The following TENM2 variants were observed in gnomAD, a reference collection of about 807,000 sequenced individuals.
TENM2 encodes teneurin-2.
TENM2 carries 52 observed loss-of-function variants against 245.2 expected under a neutral mutation model. That is an observed-to-expected ratio of 0.21 (90% CI 0.17 to 0.27). The LOEUF (loss-of-function observed/expected upper bound fraction) is 0.27, where lower values mean the gene tolerates loss of function less well. TENM2 is among the 10% of genes least tolerant of loss of function. TENM2 has a pLI of 1.00. For missense variants in TENM2, 3,046 were observed against 3,666.8 expected, an observed-to-expected ratio of 0.83 and a Z score of 4.37; for synonymous variants, 1,363 against 1,438.9, an observed-to-expected ratio of 0.95 and a Z score of 1.19.
chr5:168,116,754 A>G (rs976586301), intron 9 of TENM2, among the ~76,000 whole-genome samples: 4 of 152,302 alleles, frequency 2.6e-5, no homozygotes, highest in African/African-American at 9.6e-5. Context: ...AAACATGACA[A>G]CAAAAGGGGA....
intron 2 of TENM2, among the ~76,000 whole-genome samples, chr5:167,826,865 A>G (rs914571849): frequency 2.6e-5 from 4 of 152,240 alleles, no homozygotes; most frequent in Admixed American, 1.3e-4. Context: ...TGGCACGTGC[A>G]ATGGTTATTT....
chr5:167,618,320 T>C (rs1180719674), intron 2 of TENM2, among the ~76,000 whole-genome samples: 1 of 152,056 alleles, frequency 6.6e-6, no homozygotes, highest in Non-Finnish European at 1.5e-5. Flanking sequence ...CTCCAGAGGA[T>C]ATGCTCTTAC....
intron 5 of TENM2, among the ~76,000 whole-genome samples, chr5:168,037,459 G>A (rs1162175226): frequency 1.3e-5 from 2 of 149,780 alleles, no homozygotes; most frequent in African/African-American, 4.9e-5. Context: ...TTCTAGCTGT[G>A]AATAAACTTC....
At chr5:168,033,608 A>G (rs1315773522) in intron 5 of TENM2, among the ~76,000 whole-genome samples, 1 of 152,202 alleles carries the variant, frequency 6.6e-6, no homozygotes, top group Non-Finnish European at 1.5e-5. Context: ...CCATTCTTTC[A>G]TTCAAATAAA....
chr5:167,799,795 ATG>A (rs1765576133), intron 2 of TENM2, among the ~76,000 whole-genome samples: 1 of 152,210 alleles, frequency 6.6e-6, no homozygotes, highest in African/African-American at 2.4e-5. Context: ...GGTGTTGGGC[ATG>A]TCTATCCCCA....
At chr5:167,846,142 A>T (rs1435942967) in intron 2 of TENM2, among the ~76,000 whole-genome samples, 1 of 152,190 alleles carries the variant, frequency 6.6e-6, no homozygotes, top group Middle Eastern at 3.2e-3. Flanking sequence ...TACCAGGTTG[A>T]CAATGCAGCC....
chr5:167,127,434 C>T, the TENM2 span, among the ~76,000 whole-genome samples: 2 of 152,056 alleles, frequency 1.3e-5, no homozygotes, highest in Non-Finnish European at 2.9e-5. Flanking sequence ...AACTATGAGT[C>T]AGTAGTACAT....
intron 2 of TENM2, among the ~76,000 whole-genome samples, chr5:167,746,159 A>G (rs1348093111): frequency 6.6e-6 from 1 of 152,162 alleles, no homozygotes; most frequent in African/African-American, 2.4e-5. Flanking sequence ...AACCCCGTAC[A>G]CTTCGGACTA....
chr5:167,829,255 A>G (rs1457829926), intron 2 of TENM2, among the ~76,000 whole-genome samples: 1 of 152,260 alleles, frequency 6.6e-6, no homozygotes, highest in Non-Finnish European at 1.5e-5. Context: ...CCAGAGCTGC[A>G]TATCACACCT....
chr5:168,186,218 G>A (rs957769519), intron 13 of TENM2: 1 of 151,818 alleles, frequency 6.6e-6, no homozygotes, highest in Non-Finnish European at 1.5e-5. Context: ...AGAATTTTTG[G>A]CTTTTTACCT....
chr5:167,866,225 G>T (rs530118071), intron 2 of TENM2, among the ~76,000 whole-genome samples: 1 of 152,304 alleles, frequency 6.6e-6, no homozygotes, highest in African/African-American at 2.4e-5. Flanking sequence ...CCAGCTGGGC[G>T]TGGTGGCTCA....
chr5:167,626,824 C>A (rs1242389604), intron 2 of TENM2, among the ~76,000 whole-genome samples: 1 of 152,160 alleles, frequency 6.6e-6, no homozygotes, highest in African/African-American at 2.4e-5. Flanking sequence ...ACACCAGCCC[C>A]AACTGACAAG....
At chr5:167,763,435 C>A (rs1256429997) in intron 2 of TENM2, among the ~76,000 whole-genome samples, 1 of 152,146 alleles carries the variant, frequency 6.6e-6, no homozygotes, top group Non-Finnish European at 1.5e-5. Context: ...CAAATGTCCC[C>A]AAGCACTGCA....
chr5:167,880,981 A>G (rs12517071), intron 3 of TENM2, among the ~76,000 whole-genome samples: 36,733 of 152,082 alleles, frequency 0.24, 5,909 homozygotes, highest in East Asian at 0.73. Flanking sequence ...AGCCTCATAG[A>G]GGTTAGAATT....
At chr5:167,564,814 G>A (rs757005377) in intron 2 of TENM2, among the ~76,000 whole-genome samples, 5 of 152,236 alleles carry the variant, frequency 3.3e-5, no homozygotes, top group Non-Finnish European at 5.9e-5. Context: ...TCTTCCAGCA[G>A]GGCAAGCCCC....
intron 3 of TENM2, among the ~76,000 whole-genome samples, chr5:167,932,614 A>C (rs1278955100): frequency 6.6e-6 from 1 of 152,158 alleles, no homozygotes; most frequent in Non-Finnish European, 1.5e-5. Context: ...CTGTTGAATT[A>C]ATAATGAGAC....
intron 3 of TENM2, among the ~76,000 whole-genome samples, chr5:167,907,465 A>G (rs1193472985): frequency 6.9e-6 from 1 of 144,860 alleles, no homozygotes; most frequent in Non-Finnish European, 1.5e-5. Flanking sequence ...AGGAAAAATT[A>G]ATAACTTTCT....
At chr5:167,151,942 C>T in the TENM2 span, among the ~76,000 whole-genome samples, 2 of 152,192 alleles carry the variant, frequency 1.3e-5, no homozygotes, top group African/African-American at 2.4e-5. Context: ...AGGAAAGACA[C>T]CATATCCATC....
chr5:167,615,216 G>T (rs1777718952), intron 2 of TENM2, among the ~76,000 whole-genome samples: 1 of 151,996 alleles, frequency 6.6e-6, no homozygotes, highest in South Asian at 2.1e-4. Flanking sequence ...AATAATATGG[G>T]GTGGGGTGAA....
Sources: allele counts gnomAD v4.1 joint callset (sites outside exome capture counted in the v4.1 genomes callset), GRCh38; gene constraint gnomAD v4.1.1; transcripts MANE v1.5; gene names NCBI Gene and HGNC (gene_info 2026-07-23, HGNC 2026-07-21).